Variants in CNOT1 observed in about 807,000 individuals in gnomAD.
CNOT1 encodes the protein CCR4-associated factor 1.
Under a neutral mutation model 273.8 loss-of-function variants are expected in CNOT1, and 15 were observed. The ratio of observed to expected loss-of-function variants is 0.05; its 90% CI spans 0.04 to 0.08. CNOT1 has a LOEUF of 0.08. Ranked by LOEUF, CNOT1 falls within the 10% of genes least tolerant of loss-of-function variation. The probability of loss-of-function intolerance (pLI) is 1.00; values close to 1 mark genes in which losing one functional copy is unlikely to be tolerated. For missense variants in CNOT1, 1,644 were observed against 2,912.2 expected (o/e 0.56, Z 10.02); for synonymous variants, 1,022 against 1,005.5 (o/e 1.02, Z -0.31).
At position 58,586,539 on chromosome 16, in the gene CNOT1, C is replaced by G; in HGVS notation, c.637+6G>C. 6.2e-7 allele frequency: 1 copy of G among 1,608,336 alleles called. No homozygotes were observed. The highest frequency in any genetic ancestry group is 8.5e-7 in the Non-Finnish European group (1 of 1,178,718). ...CACCCACTGTAGGCTACAAAGACTC[C>G]CTTACCTCTGCGCAGCGTCTTAAGA... On this transcript the variant is annotated splice_donor_region_variant and intron_variant, in intron 7 of 48. Transcript: ENST00000317147.
At chr16:58,608,147 G>A (rs928446821) in intron 1 of CNOT1, among the ~76,000 whole-genome samples, 3 of 151,972 alleles carry the variant, frequency 2.0e-5, no homozygotes, top group Non-Finnish European at 4.4e-5. Context: ...TTTCACTCCA[G>A]CCAGGGTGAC....
At chr16:58,524,503 C>G (rs1203695630) in intron 46 of CNOT1, among the ~76,000 whole-genome samples, 2 of 152,006 alleles carry the variant, frequency 1.3e-5, no homozygotes, top group Non-Finnish European at 2.9e-5. Flanking sequence ...TTTGTTATAT[C>G]TTGAATTTAA....
At chr16:58,612,049 TC>T (rs2042921849) in intron 1 of CNOT1, among the ~76,000 whole-genome samples, 1 of 63,208 alleles carries the variant, frequency 1.6e-5, no homozygotes, top group African/African-American at 8.6e-5. Flanking sequence ...GCGGCCAACC[TC>T]AAAACACTCC....
chr16:58,589,410 G>A (rs540630743), intron 2 of CNOT1, among the ~76,000 whole-genome samples: 2 of 152,224 alleles, frequency 1.3e-5, no homozygotes, highest in South Asian at 4.2e-4. Context: ...CTACTCGCGA[G>A]GCTGAGGCAG....
intron 1 of CNOT1, among the ~76,000 whole-genome samples, chr16:58,604,425 T>C (rs534771188): frequency 1.5e-3 from 232 of 152,216 alleles, no homozygotes; most frequent in African/African-American, 5.0e-3. Context: ...ATTGGCTCTT[T>C]ACATGCCAGG....
chr16:58,572,168 A>C (rs1357418145), intron 16 of CNOT1, among the ~76,000 whole-genome samples: 1 of 151,898 alleles, frequency 6.6e-6, no homozygotes, highest in Non-Finnish European at 1.5e-5. Context: ...CTGTAATCCC[A>C]GCTACTTGGA....
chr16:58,555,167 C>T, intron 21 of CNOT1, 84 bp downstream of exon 21: 3 of 1,544,800 alleles, frequency 1.9e-6, no homozygotes, highest in South Asian at 2.5e-5. Flanking sequence ...GAGATTGCGC[C>T]ACTGCACTCC....
intron 1 of CNOT1, among the ~76,000 whole-genome samples, chr16:58,625,555 G>A (rs145579063): frequency 4.0e-5 from 6 of 151,128 alleles, no homozygotes; most frequent in African/African-American, 1.5e-4. Flanking sequence ...ATGATGGCGC[G>A]CACCTGTAAT....
chr16:58,576,439 G>A lies in CNOT1; in HGVS notation c.1704+24C>T, dbSNP rs764693302. ...TTTTCTCATTAGTAAATAAACTGGT[G>A]TCAGTCTGTCCCTCTGAACTCACCT... On this transcript the variant is annotated intron_variant, in intron 14 of 48. Coordinates refer to ENST00000317147, the MANE Select transcript of CNOT1 (RefSeq NM_016284.5). The A allele has an allele frequency of 1.2e-5, 20 of 1,613,592 alleles. No individual in the cohort carries two copies. In the East Asian group the frequency reaches 1.8e-4, roughly 14 times the overall value.
intron 4 of CNOT1, 61 bp downstream of exon 4, chr16:58,587,719 T>G (rs756639651): frequency 1.1e-4 from 164 of 1,546,296 alleles, no homozygotes; most frequent in Middle Eastern, 1.7e-4. Flanking sequence ...GATCAAGGCT[T>G]AGGGACTTTT....
chr16:58,625,790 C>G (rs1247679063), intron 1 of CNOT1, among the ~76,000 whole-genome samples: 1 of 144,480 alleles, frequency 6.9e-6, no homozygotes, highest in Admixed American at 7.2e-5. Context: ...ACCAGAATAT[C>G]AAGGCTGCAG....
chr16:58,528,547 C>T lies in CNOT1; in HGVS notation c.6381G>A (p.Gln2127=), dbSNP rs139908929. Residue 2127 remains glutamine (Q), a synonymous_variant, in exon 44 of 49, where the codon CAG becomes CAA. Coordinates refer to ENST00000317147, the MANE Select transcript of CNOT1 (RefSeq NM_016284.5). ...FCDVIPPNCI[Q]LRNLILSAFP... Reference sequence around the variant, plus strand: ...AGGCACTCAGGATCAAATTTCTTAACTGGATACAATTAGGTGGGATCACAT... The same window carrying T: ...AGGCACTCAGGATCAAATTTCTTAATTGGATACAATTAGGTGGGATCACAT... 5.5e-5 allele frequency: 89 copies of T among 1,613,222 alleles called. No homozygotes were observed. The African/African-American group carries it at 1.1e-3, about 20-fold the overall frequency.
In CNOT1 at chr16:58,563,163, C is replaced by T. The variant is rs536151119; in HGVS notation, c.1980-2801G>A. On this transcript the variant is annotated intron_variant, in intron 16 of 48. Transcript: ENST00000317147. ...AGTCCCATACCACATAATGACATTT[C>T]AGTCAACAAAATGGTATATGGGACC... Among the ~76,000 whole-genome samples the T allele has an allele frequency of 3.3e-5, 5 of 152,320 alleles. No individual in the cohort carries two copies. The South Asian group carries it at 1.0e-3, about 32-fold the overall frequency.
Position 58,560,356 on chromosome 16 carries a change from A to G in CNOT1, c.1986T>C (p.Val662=). ...LACLQACAGS[V]SQELSETILT... ...GGATAGTTTCTGATAGCTCCTGAGA[A>G]ACACTCCTAAAATAGAGGGGAAAAG... The change falls in exon 17 of 49, where the codon GTT becomes GTC. Residue 662 remains valine, a synonymous_variant. Transcript: ENST00000317147. 6.2e-7 allele frequency: 1 copy of G among 1,614,040 alleles called. No individual in the cohort carries two copies. Among genetic ancestry groups the G allele is most frequent in the Non-Finnish European group, 8.5e-7 (1 of 1,179,968 alleles).
At position 58,551,526 on chromosome 16, in the gene CNOT1, T is replaced by C. The variant is rs555158899; in HGVS notation, c.3201+63A>G. ...GTTATGATAAAATTCTAATACATGT[T>C]CACCACTGATTATTACAATATAATC... On this transcript the variant is annotated intron_variant, in intron 23 of 48. Coordinates refer to ENST00000317147, the MANE Select transcript of CNOT1 (RefSeq NM_016284.5). 2.0e-6 allele frequency: 3 copies of C among 1,529,236 alleles called. No individual in the cohort carries two copies. In the East Asian group the frequency reaches 6.8e-5, roughly 35 times the overall value. The allele number at this position is 1,529,236 out of a possible 1,614,324, so 94.7% of individuals were successfully genotyped here.
rs955255360 is a variant in CNOT1, at chr16:58,532,423, A to G, written c.5896-28T>C. 3.7e-6 allele frequency: 6 copies of G among 1,604,070 alleles called. No homozygotes were observed. In the Admixed American group the frequency reaches 8.4e-5, roughly 22 times the overall value. On this transcript the variant is annotated intron_variant, in intron 40 of 48. Coordinates refer to ENST00000317147, the MANE Select transcript of CNOT1 (RefSeq NM_016284.5). ...ACGTAAAACACAAATCAGAGCTTGTAAATCATTCAGATAATCCACTCACCA... is the reference window on the plus strand; with the variant it reads ...ACGTAAAACACAAATCAGAGCTTGTGAATCATTCAGATAATCCACTCACCA...
intron 21 of CNOT1, among the ~76,000 whole-genome samples, chr16:58,554,421 A>G (rs1020919055): frequency 6.6e-6 from 1 of 152,194 alleles, no homozygotes; most frequent in African/African-American, 2.4e-5. Context: ...TTATGCCTAT[A>G]ATCCCATCAC....
chr16:58,613,198 A>AT (rs957725740), intron 1 of CNOT1, among the ~76,000 whole-genome samples: 5 of 151,494 alleles, frequency 3.3e-5, no homozygotes, highest in South Asian at 4.2e-4. Flanking sequence ...CGCCCAGCTA[A>AT]TTTTTTTTTA....
intron 21 of CNOT1, 86 bp from the exon 22 acceptor site, chr16:58,553,946 T>C: frequency 7.0e-7 from 1 of 1,437,870 alleles, no homozygotes; most frequent in Middle Eastern, 1.8e-4. Context: ...CTAATCTAGG[T>C]CATTTTTTTC....
Sources: allele counts gnomAD v4.1 joint callset (sites outside exome capture counted in the v4.1 genomes callset), GRCh38; gene constraint gnomAD v4.1.1; transcripts MANE v1.5; gene names NCBI Gene and HGNC (gene_info 2026-07-23, HGNC 2026-07-21).